The following ZNF385D variants were observed in gnomAD, a reference collection of about 807,000 sequenced individuals.
The protein encoded by ZNF385D is zinc finger protein 385D.
A neutral mutation model predicts 35.8 loss-of-function variants in ZNF385D; 15 were observed. The ratio of observed to expected loss-of-function variants is 0.42; its 90% CI spans 0.28 to 0.64. ZNF385D has a LOEUF of 0.64. ZNF385D is among the 30% of genes least tolerant of loss of function. The pLI, the probability that ZNF385D is intolerant of heterozygous loss-of-function variation, is 0.23. For missense variants in ZNF385D, 474 were observed against 494.6 expected, an observed-to-expected ratio of 0.96 and a Z score of 0.39; for synonymous variants, 212 against 186.8, an observed-to-expected ratio of 1.13 and a Z score of -1.10.
At chr3:22,045,992 G>A (rs962680205) in intron 3 of ZNF385D, among the ~76,000 whole-genome samples, 3 of 151,956 alleles carry the variant, frequency 2.0e-5, no homozygotes, top group Non-Finnish European at 4.4e-5. Flanking sequence ...TAATGAGGGA[G>A]GGAATCTGAA....
At position 21,806,316 on chromosome 3, in the gene ZNF385D, T is replaced by C. The variant is rs571534692; in HGVS notation, c.326-141288A>G. Among the ~76,000 whole-genome samples the C allele has an allele frequency of 2.0e-5, 3 of 152,094 alleles. No individual in the cohort carries two copies. In the East Asian group the frequency reaches 5.8e-4, roughly 30 times the overall value. Reference sequence around the variant, plus strand: ...TGCTCATGGGTTCACGCCATTCTACTGCCTCAGTCTCCCGAGCAGCTGGGA... The same window carrying C: ...TGCTCATGGGTTCACGCCATTCTACCGCCTCAGTCTCCCGAGCAGCTGGGA... On this transcript the variant is annotated intron_variant, in intron 3 of 5. Coordinates refer to the ZNF385D transcript ENST00000494108.
intron 3 of ZNF385D, among the ~76,000 whole-genome samples, chr3:21,831,522 C>A (rs1694985189): frequency 6.6e-6 from 1 of 152,128 alleles, no homozygotes; most frequent in African/African-American, 2.4e-5. Context: ...TAAACTCAGA[C>A]CTTTCTACAC....
At chr3:21,593,538 T>G (rs1041918085) in intron 2 of ZNF385D, among the ~76,000 whole-genome samples, 2 of 152,112 alleles carry the variant, frequency 1.3e-5, no homozygotes, top group African/African-American at 4.8e-5. Flanking sequence ...ATAAAAGCCT[T>G]TTGCCATCTC....
intron 3 of ZNF385D, among the ~76,000 whole-genome samples, chr3:22,030,255 TCATATATATA>T (rs1276040836): frequency 7.2e-5 from 2 of 27,916 alleles, no homozygotes; most frequent in African/African-American, 3.1e-4. Flanking sequence ...ATAAACTCAT[TCATATATATA>T]TATATATATA....
At chr3:21,596,667 G>C (rs2064136846) in intron 2 of ZNF385D, among the ~76,000 whole-genome samples, 3 of 146,038 alleles carry the variant, frequency 2.1e-5, no homozygotes, top group African/African-American at 7.6e-5. Flanking sequence ...TGGTACAGTT[G>C]GGGGTCTTAC....
chr3:21,566,906 T>TGTC (rs1460476429), intron 2 of ZNF385D, among the ~76,000 whole-genome samples: 3 of 152,192 alleles, frequency 2.0e-5, no homozygotes, highest in African/African-American at 7.2e-5. Context: ...TTTCCATTTC[T>TGTC]GTCTCAGTAT....
At chr3:22,233,645 T>C (rs1340070389) in intron 2 of ZNF385D, among the ~76,000 whole-genome samples, 1 of 152,090 alleles carries the variant, frequency 6.6e-6, no homozygotes, top group African/African-American at 2.4e-5. Context: ...ACCCCCAGAA[T>C]ACCTGGCTTC....
At chr3:21,576,594 C>A (rs974273677) in intron 2 of ZNF385D, among the ~76,000 whole-genome samples, 3 of 152,144 alleles carry the variant, frequency 2.0e-5, no homozygotes, top group African/African-American at 7.2e-5. Flanking sequence ...AAGCCCTGGG[C>A]ACAATTTTAG....
intron 2 of ZNF385D, among the ~76,000 whole-genome samples, chr3:22,258,305 A>C (rs1230504694): frequency 6.6e-6 from 1 of 151,870 alleles, no homozygotes; most frequent in East Asian, 1.9e-4. Flanking sequence ...ACACACAGCC[A>C]CATTTATGCA....
At chr3:22,029,859 G>C (rs901867642) in intron 3 of ZNF385D, among the ~76,000 whole-genome samples, 10 of 152,060 alleles carry the variant, frequency 6.6e-5, no homozygotes, top group Non-Finnish European at 1.0e-4. Flanking sequence ...AAGTTGACAA[G>C]GGGTGGACTT....
At chr3:21,828,262 A>G (rs190016075) in intron 3 of ZNF385D, among the ~76,000 whole-genome samples, 1 of 152,342 alleles carries the variant, frequency 6.6e-6, no homozygotes, top group Non-Finnish European at 1.5e-5. Context: ...ATGTAGTCAC[A>G]TATATTCATT....
At chr3:22,088,947 C>T (rs1056806914) in intron 3 of ZNF385D, among the ~76,000 whole-genome samples, 1 of 152,056 alleles carries the variant, frequency 6.6e-6, no homozygotes, top group Non-Finnish European at 1.5e-5. Flanking sequence ...TTTAAAATGA[C>T]TTTTTTTAAA....
chr3:22,000,786 G>T (rs1261103163), intron 3 of ZNF385D, among the ~76,000 whole-genome samples: 1 of 150,924 alleles, frequency 6.6e-6, no homozygotes, highest in East Asian at 1.9e-4. Context: ...CGTTAATGAA[G>T]AATAATATAC....
intron 3 of ZNF385D, among the ~76,000 whole-genome samples, chr3:21,758,688 G>A (rs896018280): frequency 3.3e-5 from 5 of 152,004 alleles, no homozygotes; most frequent in African/African-American, 1.2e-4. Context: ...GCAGTAAGAA[G>A]CGTTACACAC....
intron 3 of ZNF385D, among the ~76,000 whole-genome samples, chr3:22,100,446 A>T (rs896041401): frequency 6.6e-6 from 1 of 151,490 alleles, no homozygotes; most frequent in Non-Finnish European, 1.5e-5. Flanking sequence ...ATGTCCAACA[A>T]TGATAGACTG....
chr3:21,819,140 A>C (rs73042721), intron 3 of ZNF385D, among the ~76,000 whole-genome samples: 8,856 of 152,032 alleles, frequency 0.058, 362 homozygotes, highest in Middle Eastern at 0.11. Context: ...TAATCACTAA[A>C]AATAGTCATG....
At chr3:22,133,556 G>A (rs1265820177) in intron 3 of ZNF385D, 2 of 151,972 alleles carry the variant, frequency 1.3e-5, no homozygotes, top group African/African-American at 4.8e-5. Context: ...CTGGTTTGAG[G>A]CAAGATCAAG....
Position 22,229,323 on chromosome 3 carries a change from G to C in ZNF385D, c.107-60288C>G, listed in dbSNP as rs369374793. 3.9e-5 allele frequency among the ~76,000 whole-genome samples: 6 copies of C among 152,278 alleles called. No homozygotes were observed. The South Asian group carries it at 8.3e-4, about 21-fold the overall frequency. On this transcript the variant is annotated intron_variant, in intron 2 of 5. Coordinates refer to the ZNF385D transcript ENST00000494108. ...AGGTCCTCCACTGGATTAACTCTGG[G>C]ATGCCACAGTCACATTGTTCTGTGA...
chr3:22,343,662 C>T (rs1017099957), intron 2 of ZNF385D, among the ~76,000 whole-genome samples: 3 of 152,212 alleles, frequency 2.0e-5, no homozygotes, highest in African/African-American at 7.2e-5. Flanking sequence ...TCTCATTGAC[C>T]CTATAAGCTA....
Sources: allele counts gnomAD v4.1 joint callset (sites outside exome capture counted in the v4.1 genomes callset), GRCh38; gene constraint gnomAD v4.1.1; transcripts MANE v1.5; gene names NCBI Gene and HGNC (gene_info 2026-07-23, HGNC 2026-07-21).